Variants in KDM1B observed in about 807,000 individuals in gnomAD.
The protein encoded by KDM1B is lysine-specific histone demethylase 2.
KDM1B carries 63 observed loss-of-function variants against 107.4 expected under a neutral mutation model. That is an observed-to-expected ratio of 0.59 (90% CI 0.48 to 0.72). The LOEUF (loss-of-function observed/expected upper bound fraction) is 0.72, where lower values mean the gene tolerates loss of function less well. Among genes scored for constraint, KDM1B ranks in the 30% least tolerant of loss-of-function variants. The pLI, the probability that KDM1B is intolerant of heterozygous loss-of-function variation, is 0.00. For synonymous variants in KDM1B, 363 were observed against 363.9 expected (o/e 1.00, Z 0.03); for missense variants, 749 against 1,020.8 (o/e 0.73, Z 3.63).
chr6:18,208,038 T>G (rs966879638), intron 16 of KDM1B, 94 bp from the exon 17 acceptor site: 1 of 900,280 alleles, frequency 1.1e-6, no homozygotes, highest in Non-Finnish European at 1.9e-6. Context: ...CCCTTAGCCT[T>G]GGAGATGTAA....
chr6:18,178,924 A>G (rs1490661274), intron 7 of KDM1B, among the ~76,000 whole-genome samples: 1 of 152,110 alleles, frequency 6.6e-6, no homozygotes. Flanking sequence ...GCCTTACTAC[A>G]TTGGTCAGGA....
rs1157472235 is a variant in KDM1B, at chr6:18,223,524, A to T, written c.*1532A>T. ...TTTAGACAGCATGTGTTTTAAAGTG[A>T]TAAATGCAAAATGTTAAGTTTGAAA... On this transcript the variant is annotated 3_prime_UTR_variant, in exon 22 of 22. Coordinates refer to ENST00000650836, the MANE Select transcript of KDM1B (RefSeq NM_001364614.2). The T allele has an allele frequency of 5.3e-5, 8 of 152,218 alleles. No individual in the cohort carries two copies. The highest frequency in any genetic ancestry group is 5.2e-4 in the Admixed American group (8 of 15,286). 9.4% of individuals were successfully genotyped at this position (152,218 alleles called of 1,614,324 possible). A position where few individuals can be genotyped will look rare whatever the true frequency, so the allele number is the denominator to read the frequency against.
intron 7 of KDM1B, among the ~76,000 whole-genome samples, chr6:18,174,406 C>A (rs1373195693): frequency 6.6e-6 from 1 of 152,026 alleles, no homozygotes; most frequent in Non-Finnish European, 1.5e-5. Flanking sequence ...TTTCAGTCCT[C>A]TAAGGGGTTG....
rs1000345132 is a variant in KDM1B at position 18,157,451 on chromosome 6, C to G, written c.-14+1525C>G. Among the ~76,000 whole-genome samples the G allele has an allele frequency of 5.3e-5, 8 of 152,128 alleles. No homozygotes were observed. The East Asian group carries it at 1.5e-3, about 29-fold the overall frequency. ...TAGATTAAAATGTTTGATGAAATTT[C>G]AGGAAACTATACTTTCTTTTGAGAA... On this transcript the variant is annotated intron_variant, in intron 2 of 21. Transcript: ENST00000650836.
rs1184374609 is a variant in KDM1B at position 18,159,479 on chromosome 6, T to A, written c.-13-404T>A. Among the ~76,000 whole-genome samples the A allele has an allele frequency of 6.6e-6, 1 of 152,250 alleles. No individual in the cohort carries two copies. The highest frequency in any genetic ancestry group is 1.5e-5 in the Non-Finnish European group (1 of 68,038). ...CTACTAATAGGTAATGTTTATTGAGTACTTACGATATGCCAGTTTTGGTGC... is the reference window on the plus strand; with the variant it reads ...CTACTAATAGGTAATGTTTATTGAGAACTTACGATATGCCAGTTTTGGTGC... On this transcript the variant is annotated intron_variant, in intron 2 of 21. Coordinates refer to ENST00000650836, the MANE Select transcript of KDM1B (RefSeq NM_001364614.2). The surrounding 1 kb of genome is among the most constrained non-coding windows in gnomAD (Gnocchi z 4.5).
chr6:18,197,348 A>G lies in KDM1B; in HGVS notation c.1146+115A>G, dbSNP rs1787717407. ...TATCACCATAAAACTTAACAGAAGCAAGGCTTTCGCAGAATGTGTTTCTCC... is the reference window on the plus strand; with the variant it reads ...TATCACCATAAAACTTAACAGAAGCGAGGCTTTCGCAGAATGTGTTTCTCC... On this transcript the variant is annotated intron_variant, in intron 11 of 21. Coordinates refer to ENST00000650836, the MANE Select transcript of KDM1B (RefSeq NM_001364614.2). The surrounding 1 kb of genome is among the most constrained non-coding windows in gnomAD (Gnocchi z 4.5). 5.9e-6 allele frequency: 6 copies of G among 1,016,210 alleles called. No individual in the cohort carries two copies. The South Asian group carries it at 1.0e-4, about 17-fold the overall frequency. The allele number at this position is 1,016,210 out of a possible 1,614,324, so 62.9% of individuals were successfully genotyped here. A position where few individuals can be genotyped will look rare whatever the true frequency, so the allele number is the denominator to read the frequency against.
chr6:18,180,150 G>C (rs902465657), intron 7 of KDM1B, among the ~76,000 whole-genome samples: 1 of 151,730 alleles, frequency 6.6e-6, no homozygotes, highest in African/African-American at 2.4e-5. Flanking sequence ...AGAAGAGGAA[G>C]AGAAAAGAGA....
intron 5 of KDM1B, 105 bp downstream of exon 5, chr6:18,163,029 T>C: frequency 1.5e-6 from 1 of 681,820 alleles, no homozygotes; most frequent in Non-Finnish European, 2.7e-6. Context: ...TACTGAATTA[T>C]TCAGCTCTTT....
intron 7 of KDM1B, among the ~76,000 whole-genome samples, chr6:18,179,526 G>T (rs754311137): frequency 2.6e-4 from 39 of 152,060 alleles, no homozygotes; most frequent in Middle Eastern, 3.2e-3. Flanking sequence ...TTTGTAAAAA[G>T]TTAGGAATTA....
At chr6:18,183,002 G>C (rs1302741291) in intron 7 of KDM1B, among the ~76,000 whole-genome samples, 2 of 152,180 alleles carry the variant, frequency 1.3e-5, no homozygotes, top group Non-Finnish European at 2.9e-5. Flanking sequence ...TGTAAGATCA[G>C]TTCCTACAAA....
rs1784813498 is a variant in KDM1B at position 18,159,155 on chromosome 6, A to T, written c.-13-728A>T. On this transcript the variant is annotated intron_variant, in intron 2 of 21. Coordinates refer to ENST00000650836, the MANE Select transcript of KDM1B (RefSeq NM_001364614.2). The surrounding 1 kb of genome is among the most constrained non-coding windows in gnomAD (Gnocchi z 4.5). ...GCTAATTTTTGTATTTTTAGTACAG[A>T]CGGGGTTTCACAATGTTGGTCAGAC... Among the ~76,000 whole-genome samples the T allele has an allele frequency of 6.6e-6, 1 of 152,086 alleles. No individual in the cohort carries two copies. Among genetic ancestry groups the T allele is most frequent in the Non-Finnish European group, 1.5e-5 (1 of 68,012 alleles).
intron 9 of KDM1B, among the ~76,000 whole-genome samples, chr6:18,190,400 G>A (rs922348272): frequency 2.0e-5 from 3 of 148,816 alleles, no homozygotes; most frequent in Non-Finnish European, 4.5e-5. Flanking sequence ...AGACCATCCT[G>A]GCTAACACAG....
Position 18,205,014 on chromosome 6 carries a change from C to T in KDM1B, c.1532-523C>T, listed in dbSNP as rs904012961. Among the ~76,000 whole-genome samples, 3 of 152,056 alleles carry T rather than the reference C, an allele frequency of 2.0e-5. No homozygotes were observed. The highest frequency in any genetic ancestry group is 6.6e-5 in the Admixed American group (1 of 15,264). On this transcript the variant is annotated intron_variant, in intron 14 of 21. Transcript: ENST00000650836. This position sits in a 1 kb window ranked among gnomAD's most constrained non-coding sequence, Gnocchi z 5.7. Reference sequence around the variant, plus strand: ...CAACCAGTAATTGTAGATATGGAGGCGGAGTGCTGACAAGATACAAGCCCA... The same window carrying T: ...CAACCAGTAATTGTAGATATGGAGGTGGAGTGCTGACAAGATACAAGCCCA...
At chr6:18,193,725 G>A in intron 10 of KDM1B, among the ~76,000 whole-genome samples, 1 of 152,106 alleles carries the variant, frequency 6.6e-6, no homozygotes, top group Non-Finnish European at 1.5e-5. Flanking sequence ...GGGGGTTGGT[G>A]ACAAGGAGCA....
chr6:18,216,406 GATCT>G (rs527288695), intron 20 of KDM1B, among the ~76,000 whole-genome samples: 2 of 152,096 alleles, frequency 1.3e-5, no homozygotes, highest in Non-Finnish European at 2.9e-5. Flanking sequence ...TATATGAGAG[GATCT>G]ATCTAATGAT....
chr6:18,167,771 A>AT (rs1192549942), intron 6 of KDM1B, among the ~76,000 whole-genome samples: 8 of 150,640 alleles, frequency 5.3e-5, no homozygotes, highest in Non-Finnish European at 1.0e-4. Context: ...ACAATGCCCA[A>AT]TTTTTTTTTA....
chr6:18,193,717 G>C (rs1167932132), intron 10 of KDM1B, among the ~76,000 whole-genome samples: 2 of 152,020 alleles, frequency 1.3e-5, no homozygotes, highest in Non-Finnish European at 2.9e-5. Context: ...TGGAGCTGGG[G>C]GGTTGGTGAC....
Position 18,186,973 on chromosome 6 carries a change from T to TACACACACACAC in KDM1B, c.574-803_574-792dup, listed in dbSNP as rs141222425. 1.8e-3 allele frequency among the ~76,000 whole-genome samples: 268 copies of TACACACACACAC among 147,530 alleles called. No homozygotes were observed. Among genetic ancestry groups the TACACACACACAC allele is most frequent in the African/African-American group, 4.7e-3 (188 of 40,000 alleles). ...CAGTATGTATATATGTGTGTGTGTG[T>TACACACACACAC]ACACACACACACACACACACACACA... On this transcript the variant is annotated intron_variant, in intron 8 of 21. Coordinates refer to ENST00000650836, the MANE Select transcript of KDM1B (RefSeq NM_001364614.2). The surrounding 1 kb of genome is among the most constrained non-coding windows in gnomAD (Gnocchi z 5.6).
chr6:18,213,007 A>T lies in KDM1B; in HGVS notation c.1983+403A>T, dbSNP rs1190541546. ...CCAGTGCTGCAGCAGATTCTGACAG[A>T]CCTATGAGTAGTGAGAGTTTAACTT... is the stretch of plus-strand genomic sequence containing the variant. On this transcript the variant is annotated intron_variant, in intron 18 of 21. Transcript: ENST00000650836. This position sits in a 1 kb window ranked among gnomAD's most constrained non-coding sequence, Gnocchi z 5.9. Among the ~76,000 whole-genome samples, 2 of 152,144 alleles carry T rather than the reference A, an allele frequency of 1.3e-5. No homozygotes were observed. The highest frequency in any genetic ancestry group is 4.8e-5 in the African/African-American group (2 of 41,442).
Sources: gnomAD v4.1 joint callset for allele counts (sites outside exome capture counted in the v4.1 genomes callset) on GRCh38, gnomAD v4.1.1 for gene constraint, Gnocchi (gnomAD v3.1) non-coding constraint, MANE v1.5 for transcripts, NCBI Gene and HGNC (gene_info 2026-07-23, HGNC 2026-07-21) for gene names.